Variants in LAMP3 observed in about 807,000 individuals in gnomAD.
The protein encoded by LAMP3 is lysosome-associated membrane glycoprotein 3.
In LAMP3, 26 loss-of-function variants were observed where a neutral mutation model predicts 34.8. The observed-to-expected ratio is 0.75, with a 90% CI of 0.55 to 1.04. The LOEUF is 1.04. Among genes scored for constraint, LAMP3 ranks in the 50% least tolerant of loss-of-function variants. The pLI is 0.00. For missense variants in LAMP3, 495 were observed against 524.0 expected (o/e 0.94, Z 0.54); for synonymous variants, 180 against 201.9 (o/e 0.89, Z 0.92).
In LAMP3 at chr3:183,154,352, A is replaced by T. The variant is rs1369301860; in HGVS notation, c.89T>A (p.Phe30Tyr). 1.2e-6 allele frequency: 2 copies of T among 1,608,666 alleles called. No homozygotes were observed. The highest frequency in any genetic ancestry group is 3.4e-5 in the Admixed American group (2 of 58,994). ...HDGSQMRAKAFPETRDYSQPT... is the reference protein window; with the variant it reads ...HDGSQMRAKAYPETRDYSQPT... ...TTGAGAATAATCTCTGGTTTCTGGA[A>T]ATGCTTTTGCTCTCATTTGACTGCC... Residue 30 changes from phenylalanine to tyrosine, a missense_variant, in exon 2 of 6, where the codon TTT becomes TAT. Physicochemically the swap from Phe to Tyr is conservative, Grantham distance 22 (BLOSUM62 3). Coordinates refer to ENST00000265598, the MANE Select transcript of LAMP3 (RefSeq NM_014398.4).
chr3:183,148,041 T>A (rs1720499095), intron 3 of LAMP3, among the ~76,000 whole-genome samples: 1 of 152,056 alleles, frequency 6.6e-6, no homozygotes, highest in African/African-American at 2.4e-5. Flanking sequence ...ATGCAGAAAT[T>A]CAAAGGTGCC....
At chr3:183,135,581 G>T in intron 5 of LAMP3, 136 bp downstream of exon 5, 2 of 840,798 alleles carry the variant, frequency 2.4e-6, no homozygotes. Flanking sequence ...CTGGCCCTGT[G>T]AGCTATGTGG....
At chr3:183,134,760 T>C (rs1017138149) in intron 5 of LAMP3, among the ~76,000 whole-genome samples, 1 of 152,218 alleles carries the variant, frequency 6.6e-6, no homozygotes, top group Non-Finnish European at 1.5e-5. Flanking sequence ...AATTTCATGA[T>C]GGAACCCAAA....
intron 5 of LAMP3, 47 bp from the exon 6 acceptor site, chr3:183,124,261 C>A: frequency 6.8e-7 from 1 of 1,473,232 alleles, no homozygotes; most frequent in Non-Finnish European, 9.0e-7. Flanking sequence ...TTTGGTGATG[C>A]AGTCCAGAAA....
chr3:183,158,777 T>A (rs1720893399), intron 1 of LAMP3, among the ~76,000 whole-genome samples: 1 of 152,138 alleles, frequency 6.6e-6, no homozygotes, highest in Non-Finnish European at 1.5e-5. Flanking sequence ...ACGGGTCTCC[T>A]CTCAGGCAGG....
chr3:183,128,697 A>G (rs1719841915), intron 5 of LAMP3, among the ~76,000 whole-genome samples: 1 of 152,074 alleles, frequency 6.6e-6, no homozygotes, highest in Non-Finnish European at 1.5e-5. Flanking sequence ...ATGTGCCACC[A>G]CACCCAGCTA....
At chr3:183,159,540 C>T (rs1356441274) in intron 1 of LAMP3, among the ~76,000 whole-genome samples, 1 of 152,220 alleles carries the variant, frequency 6.6e-6, no homozygotes, top group African/African-American at 2.4e-5. Context: ...CAGGGAATCA[C>T]AGTTTAGCCC....
At chr3:183,143,007 T>C (rs1720332756) in intron 3 of LAMP3, among the ~76,000 whole-genome samples, 1 of 152,160 alleles carries the variant, frequency 6.6e-6, no homozygotes. Flanking sequence ...TCACTCTGAG[T>C]TCATCTTAAG....
chr3:183,152,549 C>G, intron 2 of LAMP3, 46 bp from the exon 3 acceptor site: 2 of 1,549,742 alleles, frequency 1.3e-6, no homozygotes, highest in South Asian at 1.2e-5. Flanking sequence ...TAGAGGAAAA[C>G]TCTAGCTAGG....
At chr3:183,139,073 C>T (rs1451854072) in intron 4 of LAMP3, among the ~76,000 whole-genome samples, 1 of 152,144 alleles carries the variant, frequency 6.6e-6, no homozygotes, top group Non-Finnish European at 1.5e-5. Flanking sequence ...TCCACTCCCC[C>T]TGCTTGTGTT....
intron 3 of LAMP3, among the ~76,000 whole-genome samples, chr3:183,146,805 G>A (rs1474641572): frequency 6.6e-6 from 1 of 151,836 alleles, no homozygotes; most frequent in Non-Finnish European, 1.5e-5. Flanking sequence ...TGGGATTACA[G>A]GTGTGAGCCA....
intron 3 of LAMP3, among the ~76,000 whole-genome samples, chr3:183,140,879 G>A (rs552491333): frequency 4.1e-4 from 62 of 152,288 alleles, no homozygotes; most frequent in African/African-American, 1.3e-3. Flanking sequence ...GAGTCCCTTC[G>A]GTTGGGCCAA....
intron 3 of LAMP3, among the ~76,000 whole-genome samples, chr3:183,145,956 C>T (rs571234967): frequency 6.6e-6 from 1 of 152,306 alleles, no homozygotes; most frequent in South Asian, 2.1e-4. Context: ...TTGTTAGGGA[C>T]AAAGTAGGTG....
chr3:183,143,917 G>T (rs533838209), intron 3 of LAMP3, among the ~76,000 whole-genome samples: 10 of 152,134 alleles, frequency 6.6e-5, no homozygotes, highest in Non-Finnish European at 1.3e-4. Context: ...CAAAACTGTG[G>T]GTCCACCAAC....
At chr3:183,131,167 G>T (rs1190150644) in intron 5 of LAMP3, among the ~76,000 whole-genome samples, 2 of 152,204 alleles carry the variant, frequency 1.3e-5, no homozygotes, top group African/African-American at 4.8e-5. Flanking sequence ...TCATCCAAAA[G>T]AACTCACTGA....
Position 183,132,583 on chromosome 3 carries a change from G to A in LAMP3, c.1117+3134C>T, listed in dbSNP as rs1264331685. ...CGGAAGCCAGCACTGGTATATTCAG[G>A]TATGGCAGAGGGCATCAAGCACACC... On this transcript the variant is annotated intron_variant, in intron 5 of 5. Transcript: ENST00000265598. The A allele has an allele frequency of 6.1e-6, 6 of 985,260 alleles. No homozygotes were observed. The South Asian group carries it at 2.3e-4, about 39-fold the overall frequency. The allele number at this position is 985,260 out of a possible 1,614,324, so 61.0% of individuals were successfully genotyped here.
chr3:183,140,410 CAAAAAAAAAAAAAAAAA>C (rs58229572), intron 4 of LAMP3, 111 bp downstream of exon 4: 42 of 194,430 alleles, frequency 2.2e-4, no homozygotes, highest in East Asian at 4.4e-4. Flanking sequence ...GACTCCATCT[CAAAAAAAAAAAAAAAAA>C]AAAAAAAAAA....
intron 5 of LAMP3, chr3:183,132,431 C>T: frequency 3.1e-6 from 3 of 977,834 alleles, no homozygotes; most frequent in Non-Finnish European, 3.6e-6. Flanking sequence ...AAAATCAGGA[C>T]TCTTGAAAAT....
Position 183,123,546 on chromosome 3 carries a change from T to G in LAMP3, c.*535A>C, listed in dbSNP as rs2108592937. The G allele has an allele frequency of 6.5e-6, 1 of 153,690 alleles. No homozygotes were observed. Among genetic ancestry groups the G allele is most frequent in the African/African-American group, 2.4e-5 (1 of 41,420 alleles). 9.5% of individuals were successfully genotyped at this position (153,690 alleles called of 1,614,324 possible). A position where few individuals can be genotyped will look rare whatever the true frequency, so the allele number is the denominator to read the frequency against. On this transcript the variant is annotated 3_prime_UTR_variant, in exon 6 of 6. Coordinates refer to ENST00000265598, the MANE Select transcript of LAMP3 (RefSeq NM_014398.4). ...TGTACTCCAGCCTGGGTGACAAGAG[T>G]GAAACTCCGTCTCAAAAAACAAAAA...
Sources: gnomAD v4.1 joint callset for allele counts (sites outside exome capture counted in the v4.1 genomes callset) on GRCh38, gnomAD v4.1.1 for gene constraint, MANE v1.5 for transcripts, NCBI Gene and HGNC (gene_info 2026-07-23, HGNC 2026-07-21) for gene names.